The following NUP153 variants were observed in gnomAD, a reference collection of about 807,000 sequenced individuals.
The protein encoded by NUP153 is nucleoporin 153.
NUP153 carries 27 observed loss-of-function variants against 134.6 expected under a neutral mutation model. The observed-to-expected ratio is 0.20, with a 90% CI of 0.15 to 0.28. The LOEUF is 0.28. Among genes scored for constraint, NUP153 ranks in the 10% least tolerant of loss-of-function variants. NUP153 has a pLI of 1.00. For missense variants in NUP153, 1,821 were observed against 1,731.3 expected (o/e 1.05, Z -0.92); for synonymous variants, 640 against 623.5 (o/e 1.03, Z -0.40).
chr6:17,637,548 T>C lies in NUP153; in HGVS notation c.2069A>G (p.Asp690Gly). 1.9e-6 allele frequency: 3 copies of C among 1,614,216 alleles called. No individual in the cohort carries two copies. Among genetic ancestry groups the C allele is most frequent in the Non-Finnish European group, 2.5e-6 (3 of 1,180,032 alleles). The change falls in exon 16 of 22, where the codon GAT (aspartate) becomes GGT (glycine). Residue 690 changes from aspartate (D) to glycine (G), a missense_variant. Physicochemically the swap from Asp to Gly is moderately conservative, Grantham distance 94. Transcript: ENST00000262077. ...ACQAAKLSPR[D>G]TAKQTGIETP... ...TTCAATTCCAGTCTGTTTAGCAGTA[T>C]CTCTGGGTGACAATTTTGCTGCTTG...
intron 1 of NUP153, among the ~76,000 whole-genome samples, chr6:17,705,591 G>C (rs1041762816): frequency 9.7e-5 from 14 of 144,660 alleles, no homozygotes; most frequent in African/African-American, 2.1e-4. Flanking sequence ...GTGTTGGGGG[G>C]GGGGAGGGGA....
intron 8 of NUP153, among the ~76,000 whole-genome samples, chr6:17,666,865 G>C (rs1767565195): frequency 6.6e-6 from 1 of 152,188 alleles, no homozygotes; most frequent in African/African-American, 2.4e-5. Flanking sequence ...AACAACATTG[G>C]TTTCCAGGGC....
chr6:17,701,918 T>C (rs1770132085), intron 1 of NUP153, among the ~76,000 whole-genome samples: 1 of 148,976 alleles, frequency 6.7e-6, no homozygotes, highest in South Asian at 2.1e-4. Flanking sequence ...GTCCCTTAGC[T>C]CTAAACCAGA....
rs185569526 is a variant in NUP153, at chr6:17,635,132, C to T, written c.2464+2021G>A. On this transcript the variant is annotated intron_variant, in intron 16 of 21. Coordinates refer to ENST00000262077, the MANE Select transcript of NUP153 (RefSeq NM_005124.4). ...TTTTTTTTTTTTTTTTTTTTTGAGACGGAGTCTCGCTCTGTCGCCCAGGCT... is the reference window on the plus strand; with the variant it reads ...TTTTTTTTTTTTTTTTTTTTTGAGATGGAGTCTCGCTCTGTCGCCCAGGCT... 5.5e-4 allele frequency among the ~76,000 whole-genome samples: 58 copies of T among 105,710 alleles called. No individual in the cohort carries two copies. In the East Asian group the frequency reaches 6.5e-3, roughly 12 times the overall value. The allele number at this position is 105,710 out of a possible 152,430, so 69.3% of individuals were successfully genotyped here.
intron 16 of NUP153, among the ~76,000 whole-genome samples, chr6:17,635,822 C>T (rs943074939): frequency 3.3e-5 from 5 of 152,226 alleles, no homozygotes; most frequent in Admixed American, 6.5e-5. Context: ...TGTATCACTC[C>T]TCTGCTGAAA....
In NUP153 at chr6:17,649,276, T is replaced by C. The variant is rs753862000; in HGVS notation, c.1420A>G (p.Lys474Glu). Residue 474 changes from lysine to glutamate, a missense_variant, in exon 12 of 22, where the codon AAA becomes GAA. Physicochemically the swap from Lys to Glu is moderately conservative, Grantham distance 56. Coordinates refer to ENST00000262077, the MANE Select transcript of NUP153 (RefSeq NM_005124.4). ...EEEMEVPVLP[K>E]ISLPITSSSL... ...GAACTGGTGATCGGTAGAGAGATTT[T>C]CGGTAATACTGGAACTTCCATTTCC... 1 of 1,613,042 alleles carries C rather than the reference T, an allele frequency of 6.2e-7. No homozygotes were observed. Among genetic ancestry groups the C allele is most frequent in the Non-Finnish European group, 8.5e-7 (1 of 1,179,702 alleles).
At chr6:17,648,089 A>G (rs1317801550) in intron 12 of NUP153, among the ~76,000 whole-genome samples, 184 bp from the exon 13 acceptor site, 3 of 152,218 alleles carry the variant, frequency 2.0e-5, no homozygotes, top group Admixed American at 6.5e-5. Flanking sequence ...GCTTCCTCTA[A>G]GGAGTACACA....
chr6:17,643,368 A>G (rs1298789880), intron 14 of NUP153, among the ~76,000 whole-genome samples: 1 of 152,146 alleles, frequency 6.6e-6, no homozygotes, highest in Non-Finnish European at 1.5e-5. Flanking sequence ...GCTACTCGGG[A>G]GGCTGAGGCA....
intron 16 of NUP153, among the ~76,000 whole-genome samples, chr6:17,633,396 G>C (rs983472594): frequency 1.3e-5 from 2 of 152,170 alleles, no homozygotes; most frequent in Non-Finnish European, 2.9e-5. Flanking sequence ...AATCTAACTT[G>C]ACACCTACTA....
At position 17,641,909 on chromosome 6, in the gene NUP153, G is replaced by C. The variant is rs186038915; in HGVS notation, c.1721-1845C>G. ...GTCAAAATGGTAAAAGTTGAAGCTG[G>C]CTAAATAGTATATGGGGATTCAGTC... On this transcript the variant is annotated intron_variant, in intron 14 of 21. Transcript: ENST00000262077. Among the ~76,000 whole-genome samples, 9 of 152,130 alleles carry C rather than the reference G, an allele frequency of 5.9e-5. No homozygotes were observed. The East Asian group carries it at 1.7e-3, about 29-fold the overall frequency.
rs1581776381 is a variant in NUP153, at chr6:17,694,024, T to C, written c.112-5406A>G. ...ATTTTTTATTAAAACTTTTTTTCTA[T>C]ATTTTTTTCAAAATTGGGTATCCCA... On this transcript the variant is annotated intron_variant, in intron 1 of 21. Coordinates refer to ENST00000262077, the MANE Select transcript of NUP153 (RefSeq NM_005124.4). Among the ~76,000 whole-genome samples, 4 of 152,354 alleles carry C rather than the reference T, an allele frequency of 2.6e-5. No homozygotes were observed. In the South Asian group the frequency reaches 8.3e-4, roughly 32 times the overall value.
In NUP153 at chr6:17,629,404, A is replaced by C. The variant is rs773263607; in HGVS notation, c.2795T>G (p.Phe932Cys). Reference protein sequence around the residue: ...GNFKFGDQGGFKIGVSSDSGS... With the variant: ...GNFKFGDQGGCKIGVSSDSGS... ...AGAATCGGATGACACACCTATTTTG[A>C]ATCCTCCCTGATCTCCAAATTTAAA... Residue 932 changes from phenylalanine (F) to cysteine (C), a missense_variant, in exon 18 of 22, where the codon TTC (phenylalanine) becomes TGC (cysteine). Phe to Cys is a radical substitution (Grantham distance 205). Transcript: ENST00000262077. The C allele has an allele frequency of 6.2e-7, 1 of 1,614,100 alleles. No individual in the cohort carries two copies. Among genetic ancestry groups the C allele is most frequent in the South Asian group, 1.1e-5 (1 of 91,084 alleles).
At position 17,625,035 on chromosome 6, in the gene NUP153, T is replaced by C. The variant is rs1764858966; in HGVS notation, c.3902-202A>G. Among the ~76,000 whole-genome samples the C allele has an allele frequency of 6.6e-6, 1 of 152,180 alleles. No individual in the cohort carries two copies. Among genetic ancestry groups the C allele is most frequent in the Non-Finnish European group, 1.5e-5 (1 of 68,038 alleles). ...TATTTAGTGAAACATACTAAATTCA[T>C]ATAAACAAAAACTGCAATTAACAAC... On this transcript the variant is annotated intron_variant, in intron 19 of 21. Transcript: ENST00000262077. This position sits in a 1 kb window ranked among gnomAD's most constrained non-coding sequence, Gnocchi z 4.7.
In NUP153 at chr6:17,616,702, T is replaced by C. The variant is rs115920718; in HGVS notation, c.4175-7A>G. ...CCAAACTGGAAAGCCGAACCTGCAA[T>C]AGTTAAAGCAGAAATACTTCATTAG... On this transcript the variant is annotated splice_region_variant and splice_polypyrimidine_tract_variant and intron_variant, in intron 20 of 21. Coordinates refer to ENST00000262077, the MANE Select transcript of NUP153 (RefSeq NM_005124.4). 1.3e-3 allele frequency: 2,068 copies of C among 1,605,724 alleles called. 11 individuals are homozygous for C. In the African/African-American group the frequency reaches 0.019, roughly 15 times the overall value.
chr6:17,662,377 T>G (rs1767242641), intron 9 of NUP153, among the ~76,000 whole-genome samples: 1 of 152,198 alleles, frequency 6.6e-6, no homozygotes. Context: ...CTGTTAATTG[T>G]GCAACCAAAT....
chr6:17,657,490 G>C (rs1187368070), intron 11 of NUP153, among the ~76,000 whole-genome samples: 2 of 152,060 alleles, frequency 1.3e-5, no homozygotes, highest in Non-Finnish European at 2.9e-5. Context: ...CTTGAACTCA[G>C]GAGGTGGAGG....
rs974299637 is a variant in NUP153 at position 17,706,383 on chromosome 6, G to A, written c.5C>T (p.Ala2Val). ...CCCTCCGACTCCTCCGGCTCCCGAG[G>A]CCATGGCGGAGCCTCCGCCGCTTCC... Reference protein sequence around the residue: MASGAGGVGGGG... With the variant: MVSGAGGVGGGG... The change falls in exon 1 of 22, where the codon GCC (alanine) becomes GTC (valine). Residue 2 changes from alanine (A) to valine (V), a missense_variant. By Grantham distance (64) the Ala-to-Val change is moderately conservative. Coordinates refer to ENST00000262077, the MANE Select transcript of NUP153 (RefSeq NM_005124.4). The surrounding 1 kb of genome is among the most constrained non-coding windows in gnomAD (Gnocchi z 5.9). 4 of 1,611,000 alleles carry A rather than the reference G, an allele frequency of 2.5e-6. No individual in the cohort carries two copies. Among genetic ancestry groups the A allele is most frequent in the African/African-American group, 1.3e-5 (1 of 74,844 alleles).
At chr6:17,665,724 GTT>G (rs987932482) in intron 8 of NUP153, among the ~76,000 whole-genome samples, 1 of 145,778 alleles carries the variant, frequency 6.9e-6, no homozygotes. Context: ...ACAGTTTTTT[GTT>G]TTTTTTTTTT....
At chr6:17,701,771 T>C (rs1770096676) in intron 1 of NUP153, among the ~76,000 whole-genome samples, 1 of 135,450 alleles carries the variant, frequency 7.4e-6, no homozygotes, top group South Asian at 2.4e-4. Flanking sequence ...AGGCAGAAGT[T>C]GCAGTGAGCC....
Sources: gnomAD v4.1 joint callset for allele counts (sites outside exome capture counted in the v4.1 genomes callset) on GRCh38, gnomAD v4.1.1 for gene constraint, Gnocchi (gnomAD v3.1) non-coding constraint, MANE v1.5 for transcripts, NCBI Gene and HGNC (gene_info 2026-07-23, HGNC 2026-07-21) for gene names.